The following EPHA6 variants were observed in gnomAD, a reference collection of about 807,000 sequenced individuals.
EPHA6 encodes ephrin type-A receptor 6.
In EPHA6, 50 loss-of-function variants were observed where a neutral mutation model predicts 112.0. The observed-to-expected ratio is 0.45, with a 90% CI of 0.36 to 0.56. EPHA6 has a LOEUF of 0.56. EPHA6 is among the 20% of genes least tolerant of loss of function. The pLI is 0.00. For missense variants in EPHA6, 1,280 were observed against 1,417.4 expected, an observed-to-expected ratio of 0.90 and a Z score of 1.56; for synonymous variants, 529 against 490.7, an observed-to-expected ratio of 1.08 and a Z score of -1.03.
At chr3:97,627,877 C>T (rs910545942) in intron 13 of EPHA6, among the ~76,000 whole-genome samples, 1 of 151,862 alleles carries the variant, frequency 6.6e-6, no homozygotes, top group African/African-American at 2.4e-5. Flanking sequence ...AAATCAAAAT[C>T]TCTTGGGATG....
chr3:97,081,276 A>G (rs754244584), intron 3 of EPHA6, among the ~76,000 whole-genome samples: 4 of 151,960 alleles, frequency 2.6e-5, no homozygotes, highest in African/African-American at 7.2e-5. Context: ...CAAATAAACT[A>G]TAACATTACA....
intron 11 of EPHA6, among the ~76,000 whole-genome samples, chr3:97,581,514 C>G (rs2093437477): frequency 6.6e-6 from 1 of 152,136 alleles, no homozygotes; most frequent in South Asian, 2.1e-4. Flanking sequence ...AAAGAAATAC[C>G]TATACTGCAA....
intron 5 of EPHA6, among the ~76,000 whole-genome samples, chr3:97,292,083 C>T (rs564707673): frequency 2.6e-5 from 4 of 152,366 alleles, no homozygotes; most frequent in South Asian, 4.1e-4. Flanking sequence ...CAGGCACCAG[C>T]ACAAGCACCA....
At chr3:97,646,328 C>A in intron 14 of EPHA6, 1 of 1,480,388 alleles carries the variant, frequency 6.8e-7, no homozygotes, top group South Asian at 1.4e-5. Context: ...TTTCAGAGCC[C>A]CGTTTAAAAA....
intron 14 of EPHA6, among the ~76,000 whole-genome samples, chr3:97,661,989 T>C (rs1279404858): frequency 2.0e-5 from 3 of 152,176 alleles, no homozygotes; most frequent in Non-Finnish European, 2.9e-5. Context: ...CCCCAGTATA[T>C]ACTGAAATGT....
At chr3:97,292,680 C>T (rs544044493) in intron 5 of EPHA6, among the ~76,000 whole-genome samples, 1 of 150,210 alleles carries the variant, frequency 6.7e-6, no homozygotes, top group South Asian at 2.1e-4. Flanking sequence ...TCCCAGCTAG[C>T]GTCCAGCTCT....
At chr3:97,246,485 T>G (rs1180938583) in intron 5 of EPHA6, among the ~76,000 whole-genome samples, 1 of 151,840 alleles carries the variant, frequency 6.6e-6, no homozygotes, top group East Asian at 1.9e-4. Flanking sequence ...GGAAAAAAGA[T>G]ATATATCAAA....
intron 5 of EPHA6, among the ~76,000 whole-genome samples, chr3:97,261,549 T>G (rs2079503684): frequency 6.6e-6 from 1 of 152,228 alleles, no homozygotes; most frequent in Non-Finnish European, 1.5e-5. Context: ...TTTGTTTTTC[T>G]CTATTTACAT....
At chr3:97,452,211 G>A (rs2090552490) in intron 7 of EPHA6, among the ~76,000 whole-genome samples, 1 of 151,796 alleles carries the variant, frequency 6.6e-6, no homozygotes, top group Non-Finnish European at 1.5e-5. Flanking sequence ...TGCTAGTGGA[G>A]ATTCTCTAAC....
intron 5 of EPHA6, among the ~76,000 whole-genome samples, chr3:97,259,202 A>G (rs1474640334): frequency 2.6e-5 from 4 of 152,208 alleles, no homozygotes; most frequent in Admixed American, 6.5e-5. Flanking sequence ...ACACCACATT[A>G]AAAACCTCAC....
intron 11 of EPHA6, among the ~76,000 whole-genome samples, chr3:97,542,802 T>G (rs1214538063): frequency 6.6e-6 from 1 of 152,220 alleles, no homozygotes; most frequent in East Asian, 1.9e-4. Flanking sequence ...TGGTGTGAGA[T>G]GGTATCCCAT....
chr3:97,592,678 G>T lies in EPHA6; in HGVS notation c.2453G>T (p.Ser818Ile), dbSNP rs1430718481. Residue 818 changes from serine (S) to isoleucine (I), a missense_variant, in exon 12 of 18, where the codon AGC (serine) becomes ATC (isoleucine). By Grantham distance (142) the Ser-to-Ile change is moderately radical. Transcript: ENST00000389672. ...PSFLRAGFLN[S>I]IQAPHPVPGG... ...TTCCTGAGGGCAGGGTTTTTAAATA[G>T]CATCCAGGCCCCGCATCCAGTGCCA... 1 of 1,612,884 alleles carries T rather than the reference G, an allele frequency of 6.2e-7. No homozygotes were observed. The highest frequency in any genetic ancestry group is 2.2e-5 in the East Asian group (1 of 44,824).
chr3:97,314,227 T>C (rs1220839515), intron 5 of EPHA6, among the ~76,000 whole-genome samples: 1 of 151,656 alleles, frequency 6.6e-6, no homozygotes, highest in Non-Finnish European at 1.5e-5. Context: ...TCTTTCCTAT[T>C]GGCCAGTGTA....
intron 1 of EPHA6, among the ~76,000 whole-genome samples, chr3:96,829,949 G>GCA (rs67227502): frequency 0.12 from 16,711 of 135,822 alleles, 1,095 homozygotes; most frequent in Non-Finnish European, 0.14. Context: ...GCGCGCGCGC[G>GCA]CACACACACA....
At chr3:97,521,050 T>C (rs1480613486) in intron 10 of EPHA6, among the ~76,000 whole-genome samples, 1 of 152,040 alleles carries the variant, frequency 6.6e-6, no homozygotes, top group African/African-American at 2.4e-5. Context: ...TTCTGCTTGG[T>C]TCTTTTTTTA....
At chr3:97,482,698 T>C (rs1397069399) in intron 9 of EPHA6, among the ~76,000 whole-genome samples, 1 of 152,210 alleles carries the variant, frequency 6.6e-6, no homozygotes, top group East Asian at 1.9e-4. Flanking sequence ...TTGTTTTTGA[T>C]TTTTTTGTTT....
intron 2 of EPHA6, among the ~76,000 whole-genome samples, chr3:96,967,840 GA>G (rs2042180273): frequency 1.3e-5 from 2 of 151,844 alleles, no homozygotes; most frequent in Non-Finnish European, 2.9e-5. Context: ...ACTTTGGAAG[GA>G]GAATGGATCT....
chr3:97,704,086 A>AAAGC (rs1376842004), intron 14 of EPHA6, among the ~76,000 whole-genome samples: 5 of 152,354 alleles, frequency 3.3e-5, no homozygotes, highest in Middle Eastern at 6.8e-3. Context: ...TGCTTTTTAA[A>AAAGC]TATGGCATTA....
chr3:97,182,175 T>C (rs2077007055), intron 3 of EPHA6, among the ~76,000 whole-genome samples: 1 of 152,008 alleles, frequency 6.6e-6, no homozygotes, highest in Non-Finnish European at 1.5e-5. Context: ...TTCTGTCAGT[T>C]TGGCTTCTAT....
Sources: allele counts gnomAD v4.1 joint callset (sites outside exome capture counted in the v4.1 genomes callset), GRCh38; gene constraint gnomAD v4.1.1; transcripts MANE v1.5; gene names NCBI Gene and HGNC (gene_info 2026-07-23, HGNC 2026-07-21).